Variants in TBC1D31 observed in about 807,000 individuals in gnomAD.
TBC1D31 encodes TBC1 domain family member 31, also known as WD repeat domain 67.
A neutral mutation model predicts 132.9 loss-of-function variants in TBC1D31; 99 were observed. That is an observed-to-expected ratio of 0.74 (90% confidence interval 0.63 to 0.88). The LOEUF is 0.88. Among genes scored for constraint, TBC1D31 ranks in the 40% least tolerant of loss-of-function variants. TBC1D31 has a pLI of 0.00. For missense variants in TBC1D31, 1,134 were observed against 1,256.6 expected, an observed-to-expected ratio of 0.90 and a Z score of 1.48; for synonymous variants, 385 against 419.4, an observed-to-expected ratio of 0.92 and a Z score of 1.00.
intron 2 of TBC1D31, among the ~76,000 whole-genome samples, chr8:123,078,426 T>C (rs976323005): frequency 2.6e-5 from 4 of 152,168 alleles, no homozygotes; most frequent in African/African-American, 9.7e-5. Context: ...TAGAGATAGA[T>C]ATAGCACTAA....
chr8:123,109,210 A>G (rs1313629122), intron 8 of TBC1D31, 107 bp from the exon 9 acceptor site: 1 of 733,864 alleles, frequency 1.4e-6, no homozygotes, highest in African/African-American at 1.8e-5. Flanking sequence ...ATGTCTTACT[A>G]TGTGTTGTTT....
At chr8:123,077,639 G>A (rs1814681074) in intron 2 of TBC1D31, among the ~76,000 whole-genome samples, 1 of 151,512 alleles carries the variant, frequency 6.6e-6, no homozygotes, top group Admixed American at 6.6e-5. Context: ...TCCAGCTACC[G>A]CACCCAGCCC....
At chr8:123,105,826 A>G (rs35828064) in intron 8 of TBC1D31, among the ~76,000 whole-genome samples, 10,579 of 152,296 alleles carry the variant, frequency 0.069, 558 homozygotes, top group Admixed American at 0.16. Context: ...ACATTAATAT[A>G]GAGCTCAGTG....
chr8:123,129,858 A>C (rs926946661), intron 15 of TBC1D31, among the ~76,000 whole-genome samples: 3 of 152,358 alleles, frequency 2.0e-5, no homozygotes, highest in Middle Eastern at 3.4e-3. Flanking sequence ...AAAATGTGTA[A>C]ATTAAGTAAA....
At chr8:123,089,265 G>C (rs1365201453) in intron 4 of TBC1D31, among the ~76,000 whole-genome samples, 1 of 152,158 alleles carries the variant, frequency 6.6e-6, no homozygotes, top group East Asian at 1.9e-4. Context: ...GGAATACTCA[G>C]CCGTAGCACC....
the TBC1D31 span, among the ~76,000 whole-genome samples, chr8:123,163,779 TC>T: frequency 6.6e-6 from 1 of 152,212 alleles, no homozygotes; most frequent in Admixed American, 6.5e-5. Context: ...GGTGCATCCG[TC>T]ACCCGAAGGA....
chr8:123,082,375 T>C, intron 2 of TBC1D31: 1 of 200,798 alleles, frequency 5.0e-6, no homozygotes, highest in East Asian at 1.3e-4. Context: ...TGCTCCCATA[T>C]CTCTGGCTGA....
chr8:123,072,846 G>C lies in TBC1D31; in HGVS notation c.77G>C (p.Gly26Ala). 1.3e-6 allele frequency: 2 copies of C among 1,563,236 alleles called. No homozygotes were observed. The highest frequency in any genetic ancestry group is 1.7e-6 in the Non-Finnish European group (2 of 1,154,042). ...HRKPSPATRD[G>A]IIVNIIHNTS... ...AAGCCGTCCCCGGCCACGCGGGACG[G>C]GTAAAGGCCGTGGCGGGAGGGCGCG... Residue 26 changes from glycine (G) to alanine (A), a missense_variant and splice_region_variant, in exon 1 of 22, where the codon GGA becomes GCA. Physicochemically the swap from Gly to Ala is moderately conservative, Grantham distance 60 (BLOSUM62 0). Transcript: ENST00000287380.
chr8:123,127,443 T>G (rs1197032515), intron 13 of TBC1D31, among the ~76,000 whole-genome samples: 1 of 151,390 alleles, frequency 6.6e-6, no homozygotes, highest in African/African-American at 2.4e-5. Flanking sequence ...GCTAAGTTTT[T>G]TATATTTTTA....
intron 10 of TBC1D31, among the ~76,000 whole-genome samples, chr8:123,110,214 G>C (rs1818312723): frequency 1.3e-5 from 2 of 152,128 alleles, no homozygotes; most frequent in Admixed American, 1.3e-4. Flanking sequence ...TTACTTCTTA[G>C]CCTTAATTTT....
downstream of TBC1D31, among the ~76,000 whole-genome samples, chr8:123,156,458 A>AC (rs1158980826): frequency 5.1e-3 from 777 of 151,764 alleles, 2 homozygotes; most frequent in African/African-American, 0.018. Context: ...AAAAAAAAAA[A>AC]AATACCCCAG....
Position 123,072,779 on chromosome 8 carries a change from A to G in TBC1D31, c.10A>G (p.Thr4Ala), listed in dbSNP as rs1814032572. 1 of 1,567,946 alleles carries G rather than the reference A, an allele frequency of 6.4e-7. No individual in the cohort carries two copies. Among genetic ancestry groups the G allele is most frequent in the African/African-American group, 1.4e-5 (1 of 73,884 alleles). MQS[T>A]DLGNKESGKI... The stretch of plus-strand genomic sequence containing the variant: ...GTGGGCAAGCTTCGCCATGCAGAGC[A>G]CTGACCTAGGCAACAAGGAGAGCGG... Residue 4 changes from threonine (T) to alanine (A), a missense_variant, in exon 1 of 22, where the codon ACT becomes GCT. Thr to Ala is a moderately conservative substitution (Grantham distance 58). Coordinates refer to ENST00000287380, the MANE Select transcript of TBC1D31 (RefSeq NM_145647.4).
chr8:123,084,391 T>G (rs770982197), intron 4 of TBC1D31, 51 bp downstream of exon 4: 1 of 1,543,558 alleles, frequency 6.5e-7, no homozygotes, highest in Non-Finnish European at 8.9e-7. Flanking sequence ...GCTAATTTCT[T>G]GGTCAACAGG....
At chr8:123,161,178 C>T in the TBC1D31 span, among the ~76,000 whole-genome samples, 2 of 152,226 alleles carry the variant, frequency 1.3e-5, no homozygotes, top group Non-Finnish European at 1.5e-5. Flanking sequence ...CAAGACCTTC[C>T]GGCCCCCAGG....
chr8:123,133,095 C>T (rs1267046569), intron 16 of TBC1D31, among the ~76,000 whole-genome samples: 1 of 152,226 alleles, frequency 6.6e-6, no homozygotes, highest in Non-Finnish European at 1.5e-5. Context: ...TCTCATGGTT[C>T]AGACTCTAGC....
intron 4 of TBC1D31, among the ~76,000 whole-genome samples, chr8:123,093,059 G>A (rs146036516): frequency 0.037 from 5,601 of 151,954 alleles, 365 homozygotes; most frequent in African/African-American, 0.13. Flanking sequence ...TGATCCACCC[G>A]CCTTGGCCTC....
intron 21 of TBC1D31, among the ~76,000 whole-genome samples, chr8:123,150,952 C>T (rs2130990189): frequency 6.6e-6 from 1 of 152,198 alleles, no homozygotes; most frequent in South Asian, 2.1e-4. Context: ...AAAAGACGAG[C>T]TTTATAAGAA....
At chr8:123,159,963 C>A in the TBC1D31 span, among the ~76,000 whole-genome samples, 4 of 152,200 alleles carry the variant, frequency 2.6e-5, no homozygotes, top group African/African-American at 7.2e-5. Context: ...ATAAAGCCTG[C>A]ACCCAGGTTC....
the TBC1D31 span, among the ~76,000 whole-genome samples, chr8:123,160,256 A>G: frequency 1.3e-5 from 2 of 152,148 alleles, no homozygotes; most frequent in Non-Finnish European, 2.9e-5. Flanking sequence ...CCTCAATTTT[A>G]ACATTTGGCT....
Sources: allele counts gnomAD v4.1 joint callset (sites outside exome capture counted in the v4.1 genomes callset), GRCh38; gene constraint gnomAD v4.1.1; transcripts MANE v1.5; gene names NCBI Gene and HGNC (gene_info 2026-07-23, HGNC 2026-07-21).